Variants in GRM3 observed in about 807,000 individuals in gnomAD.
The protein encoded by GRM3 is metabotropic glutamate receptor 3.
GRM3 carries 26 observed loss-of-function variants against 70.5 expected under a neutral mutation model. The ratio of observed to expected loss-of-function variants is 0.37; its 90% confidence interval spans 0.27 to 0.51. GRM3 has a LOEUF of 0.51. Among genes scored for constraint, GRM3 ranks in the 20% least tolerant of loss-of-function variants. The pLI is 0.93. For synonymous variants in GRM3, 443 were observed against 434.9 expected (o/e 1.02, Z -0.23); for missense variants, 859 against 1,123.8 (o/e 0.76, Z 3.37).
chr7:86,813,687 C>T (rs980834909), intron 3 of GRM3, among the ~76,000 whole-genome samples: 1 of 151,604 alleles, frequency 6.6e-6, no homozygotes, highest in Admixed American at 6.6e-5. Flanking sequence ...TATTAATGTT[C>T]CAGATGTTAG....
At chr7:86,711,642 T>A (rs960712581) in intron 1 of GRM3, among the ~76,000 whole-genome samples, 1 of 152,146 alleles carries the variant, frequency 6.6e-6, no homozygotes, top group African/African-American at 2.4e-5. Flanking sequence ...AGATGATGTA[T>A]AATGGGTGTT....
At chr7:86,819,811 A>C (rs116863416) in intron 3 of GRM3, among the ~76,000 whole-genome samples, 1 of 152,284 alleles carries the variant, frequency 6.6e-6, no homozygotes, top group Non-Finnish European at 1.5e-5. Context: ...GAAAATAGTC[A>C]AAAATTCTCT....
At chr7:86,773,937 A>AAT (rs1240629067) in intron 2 of GRM3, among the ~76,000 whole-genome samples, 1 of 152,134 alleles carries the variant, frequency 6.6e-6, no homozygotes, top group Non-Finnish European at 1.5e-5. Context: ...TTCACAAGGC[A>AAT]ATAGGATGGT....
rs556348279 is a variant in GRM3 at position 86,662,536 on chromosome 7, G to A, written c.-141+17664G>A. On this transcript the variant is annotated intron_variant, in intron 1 of 5. Transcript: ENST00000361669. ...AGTGTTTGCCTTTGTATCACCAAGAGGAAATTAATAGATTTTACTGATAAT... is the reference window on the plus strand; with the variant it reads ...AGTGTTTGCCTTTGTATCACCAAGAAGAAATTAATAGATTTTACTGATAAT... 5.3e-5 allele frequency among the ~76,000 whole-genome samples: 8 copies of A among 151,634 alleles called. No homozygotes were observed. In the East Asian group the frequency reaches 1.6e-3, roughly 29 times the overall value.
At chr7:86,822,340 A>T (rs931800032) in intron 3 of GRM3, among the ~76,000 whole-genome samples, 8 of 152,126 alleles carry the variant, frequency 5.3e-5, no homozygotes, top group Non-Finnish European at 7.4e-5. Flanking sequence ...TATACAGAAA[A>T]AAATATATAA....
At chr7:86,739,571 C>G (rs1036044815) in intron 1 of GRM3, among the ~76,000 whole-genome samples, 1 of 152,132 alleles carries the variant, frequency 6.6e-6, no homozygotes, top group Non-Finnish European at 1.5e-5. Context: ...TGTTCCAGAC[C>G]AGCAGCATCC....
chr7:86,777,358 G>T (rs1796919302), intron 2 of GRM3, among the ~76,000 whole-genome samples: 3 of 152,168 alleles, frequency 2.0e-5, no homozygotes, highest in Admixed American at 1.3e-4. Flanking sequence ...GGGATGGAAA[G>T]CAGGGTGACT....
At chr7:86,653,829 C>T (rs1793666682) in intron 1 of GRM3, among the ~76,000 whole-genome samples, 1 of 151,964 alleles carries the variant, frequency 6.6e-6, no homozygotes, top group East Asian at 1.9e-4. Context: ...AGATAAGTTA[C>T]TAGTGTTTGA....
intron 5 of GRM3, among the ~76,000 whole-genome samples, chr7:86,856,536 C>A (rs1306258157): frequency 1.3e-5 from 2 of 151,094 alleles, no homozygotes; most frequent in Admixed American, 1.3e-4. Context: ...GTGCAGCAAA[C>A]CCCTGTGACA....
At chr7:86,747,873 T>TAA (rs1198123583) in intron 1 of GRM3, among the ~76,000 whole-genome samples, 1 of 152,118 alleles carries the variant, frequency 6.6e-6, no homozygotes. Flanking sequence ...TCGGCTCACT[T>TAA]ACAGAACCCT....
chr7:86,654,690 C>G (rs1793690596), intron 1 of GRM3, among the ~76,000 whole-genome samples: 1 of 152,160 alleles, frequency 6.6e-6, no homozygotes, highest in South Asian at 2.1e-4. Context: ...TCTTTATTCT[C>G]CTACCACTGA....
At chr7:86,666,062 GTTAATC>G (rs1375069834) in intron 1 of GRM3, among the ~76,000 whole-genome samples, 1 of 151,984 alleles carries the variant, frequency 6.6e-6, no homozygotes, top group African/African-American at 2.4e-5. Context: ...GAAATAAGAT[GTTAATC>G]TTAATTACAG....
intron 1 of GRM3, among the ~76,000 whole-genome samples, chr7:86,676,913 A>G (rs1794321096): frequency 6.6e-6 from 1 of 151,976 alleles, no homozygotes; most frequent in African/African-American, 2.4e-5. Flanking sequence ...GAATATAGTC[A>G]TGCTTTGATT....
intron 2 of GRM3, among the ~76,000 whole-genome samples, chr7:86,778,482 A>T (rs1796955392): frequency 6.6e-6 from 1 of 152,220 alleles, no homozygotes; most frequent in South Asian, 2.1e-4. Flanking sequence ...TCAGCATAGA[A>T]GGCACAAAGC....
intron 1 of GRM3, among the ~76,000 whole-genome samples, chr7:86,740,711 G>A (rs1037008567): frequency 6.6e-6 from 1 of 152,116 alleles, no homozygotes; most frequent in African/African-American, 2.4e-5. Flanking sequence ...AAAAATTCTC[G>A]AGTCATTTCA....
At chr7:86,852,251 C>A (rs1411535499) in intron 5 of GRM3, among the ~76,000 whole-genome samples, 1 of 152,152 alleles carries the variant, frequency 6.6e-6, no homozygotes, top group Non-Finnish European at 1.5e-5. Flanking sequence ...TCATTGCTAG[C>A]TCAGAACTTT....
At chr7:86,812,244 G>C (rs1331548082) in intron 3 of GRM3, among the ~76,000 whole-genome samples, 1 of 151,822 alleles carries the variant, frequency 6.6e-6, no homozygotes, top group Non-Finnish European at 1.5e-5. Flanking sequence ...AATTGTAAGT[G>C]CTGAGAGAAG....
chr7:86,717,033 T>C (rs1387241675), intron 1 of GRM3, among the ~76,000 whole-genome samples: 1 of 151,938 alleles, frequency 6.6e-6, no homozygotes, highest in East Asian at 1.9e-4. Context: ...CTGCCTCAGT[T>C]CCCTCAATAG....
At chr7:86,710,352 T>C (rs1011155130) in intron 1 of GRM3, 9 of 152,002 alleles carry the variant, frequency 5.9e-5, no homozygotes, top group African/African-American at 2.2e-4. Flanking sequence ...TTCCTCTTCA[T>C]GTTTTTCCTA....
Sources: allele counts gnomAD v4.1 joint callset (sites outside exome capture counted in the v4.1 genomes callset), GRCh38; gene constraint gnomAD v4.1.1; transcripts MANE v1.5; gene names NCBI Gene and HGNC (gene_info 2026-07-23, HGNC 2026-07-21).